Variants in CAMKMT observed in about 807,000 individuals in gnomAD.
CAMKMT encodes CaM KMT.
In CAMKMT, 53 loss-of-function variants were observed where a neutral mutation model predicts 48.0. That is an observed-to-expected ratio of 1.10 (90% confidence interval 0.89 to 1.39). The LOEUF (loss-of-function observed/expected upper bound fraction) is 1.39, where lower values mean the gene tolerates loss of function less well. CAMKMT is among the 40% of genes most tolerant of loss of function. The pLI is 0.00. For missense variants in CAMKMT, 428 were observed against 402.7 expected, an observed-to-expected ratio of 1.06 and a Z score of -0.54; for synonymous variants, 165 against 152.3, an observed-to-expected ratio of 1.08 and a Z score of -0.61.
At chr2:44,588,036 C>T (rs977915263) in intron 3 of CAMKMT, among the ~76,000 whole-genome samples, 16 of 143,144 alleles carry the variant, frequency 1.1e-4, no homozygotes, top group Non-Finnish European at 1.4e-4. Context: ...AAGCGAGGAG[C>T]GCCTCTTCCC....
At chr2:44,537,260 T>G (rs1391862968) in intron 3 of CAMKMT, among the ~76,000 whole-genome samples, 2 of 152,162 alleles carry the variant, frequency 1.3e-5, no homozygotes, top group Non-Finnish European at 2.9e-5. Context: ...TTGCAAACTA[T>G]TTATCTGACA....
chr2:44,726,709 G>A (rs1273385491), intron 7 of CAMKMT, among the ~76,000 whole-genome samples: 1 of 152,224 alleles, frequency 6.6e-6, no homozygotes, highest in African/African-American at 2.4e-5. Flanking sequence ...AATGTCAAGA[G>A]AGTATTTCCT....
At chr2:44,645,521 A>G (rs983927749) in intron 3 of CAMKMT, among the ~76,000 whole-genome samples, 30 of 152,264 alleles carry the variant, frequency 2.0e-4, no homozygotes, top group East Asian at 5.8e-4. Context: ...ATTAAAATCA[A>G]TTAGCAAAAA....
intron 3 of CAMKMT, among the ~76,000 whole-genome samples, chr2:44,539,235 G>A (rs1000679357): frequency 6.7e-6 from 1 of 148,988 alleles, no homozygotes; most frequent in African/African-American, 2.5e-5. Flanking sequence ...AACCCAGGAG[G>A]TGGAGTTTGC....
chr2:44,759,870 C>T (rs1017339557), intron 9 of CAMKMT, among the ~76,000 whole-genome samples: 3 of 152,236 alleles, frequency 2.0e-5, no homozygotes, highest in African/African-American at 7.2e-5. Context: ...GGAGATATAA[C>T]ATACACACAG....
intron 3 of CAMKMT, among the ~76,000 whole-genome samples, chr2:44,483,649 G>C (rs786403): frequency 6.6e-6 from 1 of 151,872 alleles, no homozygotes; most frequent in African/African-American, 2.4e-5. Flanking sequence ...TGTAGCTCAA[G>C]GTCTAAGGGA....
intron 3 of CAMKMT, among the ~76,000 whole-genome samples, chr2:44,614,851 A>G (rs1007720511): frequency 1.3e-5 from 2 of 149,960 alleles, no homozygotes; most frequent in Non-Finnish European, 3.0e-5. Flanking sequence ...CTTTTGCATC[A>G]TCAGTCTGCT....
chr2:44,427,086 T>A lies in CAMKMT; in HGVS notation c.376+36781T>A, dbSNP rs1684324915. On this transcript the variant is annotated intron_variant, in intron 3 of 10. Transcript: ENST00000378494. ...GAAGGATACCCTATTCAATAAATGGTGCTGGGAAAACTGGTTAACCATATG... is the reference window on the plus strand; with the variant it reads ...GAAGGATACCCTATTCAATAAATGGAGCTGGGAAAACTGGTTAACCATATG... 1.3e-5 allele frequency among the ~76,000 whole-genome samples: 2 copies of A among 152,156 alleles called. 1 individual carries two copies. The highest frequency in any genetic ancestry group is 4.1e-4 in the South Asian group (2 of 4,828).
chr2:44,462,185 G>A (rs1667881522), intron 3 of CAMKMT, among the ~76,000 whole-genome samples: 1 of 151,700 alleles, frequency 6.6e-6, no homozygotes, highest in South Asian at 2.1e-4. Context: ...TAATACACAG[G>A]ACAACTCATG....
chr2:44,475,833 A>C (rs971301655), intron 3 of CAMKMT, among the ~76,000 whole-genome samples: 1 of 152,220 alleles, frequency 6.6e-6, no homozygotes, highest in African/African-American at 2.4e-5. Context: ...CCTTCAAATC[A>C]AAATGTATCG....
At chr2:44,566,745 G>A (rs1351495894) in intron 3 of CAMKMT, among the ~76,000 whole-genome samples, 1 of 152,192 alleles carries the variant, frequency 6.6e-6, no homozygotes, top group African/African-American at 2.4e-5. Flanking sequence ...TGACATTTAT[G>A]AGTGGATGCG....
rs181381380 is a variant in CAMKMT at position 44,704,494 on chromosome 2, A to G, written c.437+151A>G. 1.5e-4 allele frequency: 86 copies of G among 558,826 alleles called. No individual in the cohort carries two copies. The East Asian group carries it at 2.3e-3, about 15-fold the overall frequency. The allele number at this position is 558,826 out of a possible 1,614,324, so 34.6% of individuals were successfully genotyped here. On this transcript the variant is annotated intron_variant, in intron 4 of 10. Transcript: ENST00000378494. ...AAGAAAAGGAAAACAGAAAGAGGGG[A>G]AAAAGTTCACAGTGAACACATGTTG...
chr2:44,650,164 A>G (rs1312372779), intron 3 of CAMKMT, among the ~76,000 whole-genome samples: 3 of 152,028 alleles, frequency 2.0e-5, no homozygotes, highest in Non-Finnish European at 4.4e-5. Context: ...GTGTAGAGCC[A>G]TGCTCCATCT....
intron 3 of CAMKMT, among the ~76,000 whole-genome samples, chr2:44,695,289 ATAATATTATT>A: frequency 6.6e-6 from 1 of 152,188 alleles, no homozygotes; most frequent in South Asian, 2.1e-4. Flanking sequence ...CCATAGTACT[ATAATATTATT>A]AAGGGAACAT....
chr2:44,501,140 A>G (rs1669986687), intron 3 of CAMKMT, among the ~76,000 whole-genome samples: 1 of 151,784 alleles, frequency 6.6e-6, no homozygotes, highest in Non-Finnish European at 1.5e-5. Context: ...TTCAATGTGA[A>G]TATTTTATAT....
intron 3 of CAMKMT, among the ~76,000 whole-genome samples, chr2:44,512,019 C>A (rs1461125468): frequency 6.6e-6 from 1 of 152,178 alleles, no homozygotes; most frequent in Non-Finnish European, 1.5e-5. Flanking sequence ...TGAGAACTTT[C>A]TCTGCTTGTG....
At chr2:44,726,926 G>T (rs896527017) in intron 7 of CAMKMT, among the ~76,000 whole-genome samples, 1 of 152,102 alleles carries the variant, frequency 6.6e-6, no homozygotes, top group African/African-American at 2.4e-5. Flanking sequence ...TCAGATGGTT[G>T]CAAGTGTGCG....
At chr2:44,480,270 A>G (rs909981847) in intron 3 of CAMKMT, among the ~76,000 whole-genome samples, 1 of 152,212 alleles carries the variant, frequency 6.6e-6, no homozygotes, top group Non-Finnish European at 1.5e-5. Flanking sequence ...ACTCCCAAGC[A>G]GCAGAGTGCT....
rs1342049467 is a variant in CAMKMT at position 44,456,918 on chromosome 2, C to G, written c.376+66613C>G. 6.1e-5 allele frequency: 15 copies of G among 244,244 alleles called. No homozygotes were observed. The South Asian group carries it at 1.5e-3, about 24-fold the overall frequency. The allele number at this position is 244,244 out of a possible 1,614,324, so 15.1% of individuals were successfully genotyped here. A position where few individuals can be genotyped will look rare whatever the true frequency, so the allele number is the denominator to read the frequency against. On this transcript the variant is annotated intron_variant, in intron 3 of 10. Transcript: ENST00000378494. The stretch of plus-strand genomic sequence containing the variant: ...CTCGGCTATATCATTACAATAAATT[C>G]TATTTAAAATACTTAGTGAAGTACA...
Sources: allele counts gnomAD v4.1 joint callset (sites outside exome capture counted in the v4.1 genomes callset), GRCh38; gene constraint gnomAD v4.1.1; transcripts MANE v1.5; gene names NCBI Gene and HGNC (gene_info 2026-07-23, HGNC 2026-07-21).